CACNB2: variants seen among roughly 807,000 people sequenced by gnomAD.
The protein encoded by CACNB2 is voltage-dependent L-type calcium channel subunit beta-2.
Under a neutral mutation model 73.3 loss-of-function variants are expected in CACNB2, and 42 were observed. That is an observed-to-expected ratio of 0.57 (90% CI 0.45 to 0.74). The LOEUF is 0.74. Ranked by LOEUF, CACNB2 falls within the 30% of genes least tolerant of loss-of-function variation. The pLI is 0.00. For missense variants in CACNB2, 940 were observed against 853.0 expected (o/e 1.10, Z -1.27); for synonymous variants, 348 against 310.3 (o/e 1.12, Z -1.28).
rs77974581 is a variant in CACNB2, at chr10:18,506,796, T to G, written c.670+249T>G. On this transcript the variant is annotated intron_variant, in intron 6 of 13. Coordinates refer to ENST00000324631, the MANE Select transcript of CACNB2 (RefSeq NM_201596.3). ...TGATCAAAGTGATTAATGTATTTAT[T>G]TATTTATTTATTTATTTTTTTGAGA... Among the ~76,000 whole-genome samples, 157 of 152,210 alleles carry G rather than the reference T, an allele frequency of 1.0e-3. 2 individuals carry two copies. The East Asian group carries it at 0.023, about 22-fold the overall frequency.
At chr10:18,447,669 G>C (rs1053374902) in intron 3 of CACNB2, among the ~76,000 whole-genome samples, 2 of 151,432 alleles carry the variant, frequency 1.3e-5, no homozygotes, top group Non-Finnish European at 2.9e-5. Context: ...TGTTTTATTA[G>C]AACATGGTAG....
chr10:18,429,717 C>G (rs187849164), intron 3 of CACNB2, among the ~76,000 whole-genome samples: 1 of 147,472 alleles, frequency 6.8e-6, no homozygotes, highest in Non-Finnish European at 1.5e-5. Context: ...ACACCTGTAT[C>G]CCAGGTACTC....
chr10:18,210,306 G>A (rs2035266366), intron 2 of CACNB2, among the ~76,000 whole-genome samples: 1 of 152,200 alleles, frequency 6.6e-6, no homozygotes, highest in Admixed American at 6.5e-5. Context: ...TATACATGCA[G>A]GTACACGTGT....
intron 3 of CACNB2, among the ~76,000 whole-genome samples, chr10:18,474,230 A>G (rs1049869123): frequency 1.3e-5 from 2 of 152,086 alleles, no homozygotes; most frequent in Non-Finnish European, 2.9e-5. Flanking sequence ...ATTGAAAGGC[A>G]CCCTGCAGAC....
chr10:18,224,524 C>G (rs1299416121), intron 2 of CACNB2, among the ~76,000 whole-genome samples: 1 of 152,112 alleles, frequency 6.6e-6, no homozygotes, highest in African/African-American at 2.4e-5. Context: ...CTCTAACCCA[C>G]GAAGGGTTGG....
intron 2 of CACNB2, among the ~76,000 whole-genome samples, chr10:18,329,375 A>C (rs1050609713): frequency 1.3e-5 from 2 of 152,182 alleles, no homozygotes; most frequent in African/African-American, 4.8e-5. Flanking sequence ...AAAGTTCCAC[A>C]AACAAAAGAA....
chr10:18,468,314 A>T (rs912522788), intron 3 of CACNB2, among the ~76,000 whole-genome samples: 2 of 152,128 alleles, frequency 1.3e-5, no homozygotes, highest in African/African-American at 4.8e-5. Context: ...TAAAAAAATT[A>T]GCTAGGCATA....
At position 18,279,561 on chromosome 10, in the gene CACNB2, T is replaced by C. The variant is rs565489128; in HGVS notation, c.214-122363T>C. On this transcript the variant is annotated intron_variant, in intron 2 of 13. Transcript: ENST00000324631. ...GCATATAATATGCCAGAGTAATATA[T>C]ACTAAAATGATAAATATAGTTTTTG... Among the ~76,000 whole-genome samples the C allele has an allele frequency of 2.0e-5, 3 of 152,338 alleles. No homozygotes were observed. In the East Asian group the frequency reaches 5.8e-4, roughly 29 times the overall value.
intron 2 of CACNB2, among the ~76,000 whole-genome samples, chr10:18,231,366 A>G (rs1017346875): frequency 6.6e-6 from 1 of 151,910 alleles, no homozygotes; most frequent in African/African-American, 2.4e-5. Flanking sequence ...TTTAGTAGAG[A>G]TGGGGTTTCG....
chr10:18,143,056 A>G (rs2030593147), intron 1 of CACNB2, among the ~76,000 whole-genome samples: 1 of 152,210 alleles, frequency 6.6e-6, no homozygotes, highest in South Asian at 2.1e-4. Context: ...CTTACAGGAT[A>G]ATTTATCGTT....
At position 18,524,654 on chromosome 10, in the gene CACNB2, T is replaced by TAAA. The variant is rs35663592; in HGVS notation, c.945-2915_945-2913dup. 4.2e-3 allele frequency among the ~76,000 whole-genome samples: 486 copies of TAAA among 116,884 alleles called. 3 individuals carry two copies. Among genetic ancestry groups the TAAA allele is most frequent in the African/African-American group, 0.01 (312 of 30,048 alleles). 76.7% of individuals were successfully genotyped at this position (116,884 alleles called of 152,430 possible). A position where few individuals can be genotyped will look rare whatever the true frequency, so the allele number is the denominator to read the frequency against. ...TGGGTGACAGAGCAAGACTCTATCT[T>TAAA]AAAAAAAAAAAAAAAAAAAAATTGA... is the stretch of plus-strand genomic sequence containing the variant. On this transcript the variant is annotated intron_variant, in intron 9 of 13. Coordinates refer to ENST00000324631, the MANE Select transcript of CACNB2 (RefSeq NM_201596.3).
intron 2 of CACNB2, among the ~76,000 whole-genome samples, chr10:18,301,593 G>A (rs573869776): frequency 5.9e-5 from 9 of 151,496 alleles, no homozygotes; most frequent in Admixed American, 1.3e-4. Flanking sequence ...AGATCCTGTC[G>A]CAAAAACAAA....
At chr10:18,304,007 G>A (rs1341061919) in intron 2 of CACNB2, among the ~76,000 whole-genome samples, 1 of 152,192 alleles carries the variant, frequency 6.6e-6, no homozygotes, top group Non-Finnish European at 1.5e-5. Flanking sequence ...CCAGGCTGGA[G>A]TGCAGTAGCA....
At chr10:18,306,702 G>T (rs1475545438) in intron 2 of CACNB2, among the ~76,000 whole-genome samples, 1 of 152,144 alleles carries the variant, frequency 6.6e-6, no homozygotes, top group East Asian at 1.9e-4. Flanking sequence ...GCCAAAGATA[G>T]TTAAGGAGTG....
intron 2 of CACNB2, among the ~76,000 whole-genome samples, chr10:18,341,378 T>A (rs2041227505): frequency 6.6e-6 from 1 of 152,234 alleles, no homozygotes. Context: ...TGACTTGCTG[T>A]GTTGCTGCAA....
intron 2 of CACNB2, among the ~76,000 whole-genome samples, chr10:18,381,549 G>A (rs922767322): frequency 3.3e-5 from 5 of 151,962 alleles, no homozygotes; most frequent in African/African-American, 7.3e-5. Flanking sequence ...TTAGCTGGGC[G>A]TGATGGCGTG....
At chr10:18,436,184 G>A (rs1379114021) in intron 3 of CACNB2, among the ~76,000 whole-genome samples, 3 of 152,188 alleles carry the variant, frequency 2.0e-5, no homozygotes, top group Non-Finnish European at 2.9e-5. Flanking sequence ...TGAATTAATT[G>A]ATTTAAAATT....
chr10:18,370,071 G>A (rs932380634), intron 2 of CACNB2, among the ~76,000 whole-genome samples: 6 of 152,178 alleles, frequency 3.9e-5, no homozygotes, highest in Non-Finnish European at 8.8e-5. Flanking sequence ...CTCTGATAAT[G>A]GCAATGTTTA....
At chr10:18,315,473 C>T (rs537099848) in intron 2 of CACNB2, among the ~76,000 whole-genome samples, 36 of 99,094 alleles carry the variant, frequency 3.6e-4, no homozygotes, top group African/African-American at 1.4e-3. Flanking sequence ...TCAGCCTGGG[C>T]AGCAAAAAGA....
Sources: gnomAD v4.1 joint callset for allele counts (sites outside exome capture counted in the v4.1 genomes callset) on GRCh38, gnomAD v4.1.1 for gene constraint, MANE v1.5 for transcripts, NCBI Gene and HGNC (gene_info 2026-07-23, HGNC 2026-07-21) for gene names.